UBR2: variants seen among roughly 807,000 people sequenced by gnomAD.
UBR2 encodes ubiquitin protein ligase E3 component n-recognin 2, also known as E3 ubiquitin-protein ligase UBR2.
UBR2 carries 92 observed loss-of-function variants against 247.9 expected under a neutral mutation model. The observed-to-expected ratio is 0.37, with a 90% CI of 0.31 to 0.44. The LOEUF is 0.44. Ranked by LOEUF, UBR2 falls within the 20% of genes least tolerant of loss-of-function variation. The pLI, the probability that UBR2 is intolerant of heterozygous loss-of-function variation, is 1.00. For missense variants in UBR2, 1,613 were observed against 2,112.6 expected, an observed-to-expected ratio of 0.76 and a Z score of 4.64; for synonymous variants, 672 against 693.5, an observed-to-expected ratio of 0.97 and a Z score of 0.49.
At chr6:42,584,764 T>G (rs1173942546) in intron 2 of UBR2, among the ~76,000 whole-genome samples, 2 of 152,202 alleles carry the variant, frequency 1.3e-5, no homozygotes, top group Admixed American at 1.3e-4. Context: ...AAATAATTTA[T>G]GATATTTTTT....
intron 22 of UBR2, 102 bp from the exon 23 acceptor site, chr6:42,650,182 A>G (rs774879248): frequency 6.5e-5 from 57 of 875,332 alleles, no homozygotes; most frequent in Admixed American, 1.3e-4. Context: ...ACCCACCAGC[A>G]GTATATGAGA....
intron 2 of UBR2, among the ~76,000 whole-genome samples, chr6:42,584,361 A>C (rs1792116068): frequency 6.6e-6 from 1 of 152,218 alleles, no homozygotes; most frequent in Admixed American, 6.5e-5. Context: ...TCTGAACAGT[A>C]ATCTAGTTCA....
chr6:42,662,405 C>A, intron 31 of UBR2, 128 bp downstream of exon 31: 1 of 600,240 alleles, frequency 1.7e-6, no homozygotes, highest in East Asian at 2.9e-5. Context: ...GTATCATTGC[C>A]TAATAAATAA....
chr6:42,575,243 T>A (rs1243709545), intron 2 of UBR2, among the ~76,000 whole-genome samples: 2 of 152,230 alleles, frequency 1.3e-5, no homozygotes, highest in African/African-American at 4.8e-5. Flanking sequence ...TGAAATTTAA[T>A]AAGCTAATTT....
intron 23 of UBR2, among the ~76,000 whole-genome samples, chr6:42,651,442 T>G: frequency 6.6e-6 from 1 of 151,914 alleles, no homozygotes; most frequent in East Asian, 1.9e-4. Flanking sequence ...AAAAAAAAAA[T>G]TAACCTTGAT....
intron 11 of UBR2, among the ~76,000 whole-genome samples, chr6:42,631,891 A>ATATAT (rs752152787): frequency 0.11 from 12,111 of 112,904 alleles, 1,171 homozygotes; most frequent in Non-Finnish European, 0.14. Flanking sequence ...TATATATATA[A>ATATAT]ATACAGGTTC....
chr6:42,644,292 A>C lies in UBR2; in HGVS notation c.2176A>C (p.Thr726Pro). 3.7e-6 allele frequency: 6 copies of C among 1,613,414 alleles called. No homozygotes were observed. Among genetic ancestry groups the C allele is most frequent in the South Asian group, 1.1e-5 (1 of 91,020 alleles). ...CTTTGAACTTTATCAGATTTTCAGT[A>C]CTCCAGACTATGGAAAAAGATTTAG... ...SRFELYQIFS[T>P]PDYGKRFSSE... is the part of the protein sequence containing the mutation. Residue 726 changes from threonine to proline, a missense_variant, in exon 19 of 47, where the codon ACT becomes CCT. Thr to Pro is a conservative substitution (Grantham distance 38). Transcript: ENST00000372901.
At position 42,652,074 on chromosome 6, in the gene UBR2, A is replaced by T; in HGVS notation, c.2614+3A>T. 6.3e-7 allele frequency: 1 copy of T among 1,578,444 alleles called. No individual in the cohort carries two copies. Among genetic ancestry groups the T allele is most frequent in the Non-Finnish European group, 8.6e-7 (1 of 1,167,390 alleles). On this transcript the variant is annotated splice_donor_region_variant and intron_variant, in intron 24 of 46. Transcript: ENST00000372901. ...AAGACAAAATAGAGAAGATACAGGT[A>T]TTTTTAATCTTTCTGAAAATGTCTT...
chr6:42,614,334 GTGTATGTGTGTA>G (rs1280337720), intron 8 of UBR2, among the ~76,000 whole-genome samples: 62 of 74,438 alleles, frequency 8.3e-4, no homozygotes, highest in African/African-American at 3.5e-3. Flanking sequence ...ATGTGTATAT[GTGTATGTGTGTA>G]TGTATGTGTG....
At chr6:42,627,664 TAA>T (rs542965735) in intron 11 of UBR2, among the ~76,000 whole-genome samples, 85 of 151,946 alleles carry the variant, frequency 5.6e-4, no homozygotes, top group Admixed American at 1.7e-3. Flanking sequence ...CACACCTGGC[TAA>T]GTTTTTTTTT....
chr6:42,647,417 TAAA>T (rs750938791), intron 21 of UBR2, among the ~76,000 whole-genome samples: 14 of 102,166 alleles, frequency 1.4e-4, no homozygotes, highest in African/African-American at 5.0e-4. Flanking sequence ...CCATCGCTAC[TAAA>T]AAAAAAAAAA....
At chr6:42,665,713 A>G (rs1798067111) in intron 33 of UBR2, among the ~76,000 whole-genome samples, 2 of 152,128 alleles carry the variant, frequency 1.3e-5, no homozygotes, top group Non-Finnish European at 2.9e-5. Flanking sequence ...TGAAGTTTCT[A>G]ATAAACACTT....
rs1420095849 is a variant in UBR2 at position 42,581,875 on chromosome 6, T to C, written c.338+7882T>C. Among the ~76,000 whole-genome samples the C allele has an allele frequency of 2.0e-5, 3 of 152,226 alleles. No homozygotes were observed. In the East Asian group the frequency reaches 5.8e-4, roughly 29 times the overall value. On this transcript the variant is annotated intron_variant, in intron 2 of 46. Coordinates refer to ENST00000372901, the MANE Select transcript of UBR2 (RefSeq NM_001363705.2). ...CTTCTATGACCTTCTCTTTTTTAAA[T>C]GTGCAACACATTAAAATATTAGGCA...
intron 30 of UBR2, among the ~76,000 whole-genome samples, chr6:42,660,967 G>GT (rs1479498572): frequency 7.0e-6 from 1 of 143,642 alleles, no homozygotes; most frequent in Non-Finnish European, 1.5e-5. Flanking sequence ...ACCCTGTGTG[G>GT]TTTTTTTGTT....
chr6:42,620,154 G>T (rs558522272), intron 11 of UBR2: 1 of 432,884 alleles, frequency 2.3e-6, no homozygotes, highest in East Asian at 1.6e-4. Flanking sequence ...AGTGATAGTT[G>T]CTCCACATCC....
intron 2 of UBR2, among the ~76,000 whole-genome samples, chr6:42,580,290 G>C (rs1470989098): frequency 6.6e-6 from 1 of 152,224 alleles, no homozygotes; most frequent in East Asian, 1.9e-4. Context: ...TTCTTATTTT[G>C]GAGATTTGTG....
At chr6:42,638,765 G>A (rs960580485) in intron 15 of UBR2, among the ~76,000 whole-genome samples, 2 of 151,700 alleles carry the variant, frequency 1.3e-5, no homozygotes, top group Admixed American at 1.3e-4. Context: ...AAAAAAAAAG[G>A]CAAGAAATTG....
chr6:42,677,269 G>C (rs772963062), intron 40 of UBR2, among the ~76,000 whole-genome samples: 14 of 152,104 alleles, frequency 9.2e-5, no homozygotes, highest in Non-Finnish European at 2.1e-4. Flanking sequence ...GTAGTAGCAG[G>C]AATAAAATGA....
chr6:42,664,415 C>T (rs993115284), intron 32 of UBR2: 1 of 152,164 alleles, frequency 6.6e-6, no homozygotes, highest in East Asian at 1.9e-4. Flanking sequence ...GTCTGCTTTT[C>T]GAATCTGAAC....
Sources: allele counts gnomAD v4.1 joint callset (sites outside exome capture counted in the v4.1 genomes callset), GRCh38; gene constraint gnomAD v4.1.1; transcripts MANE v1.5; gene names NCBI Gene and HGNC (gene_info 2026-07-23, HGNC 2026-07-21).